Variants in SUPT3H observed in about 807,000 individuals in gnomAD.
The protein encoded by SUPT3H is SPT3 homolog, SAGA and STAGA complex component.
A neutral mutation model predicts 44.3 loss-of-function variants in SUPT3H; 44 were observed. The ratio of observed to expected loss-of-function variants is 0.99; its 90% confidence interval spans 0.78 to 1.28. SUPT3H has a LOEUF of 1.28. Among genes scored for constraint, SUPT3H ranks in the 50% most tolerant of loss-of-function variants. The pLI, the probability that SUPT3H is intolerant of heterozygous loss-of-function variation, is 0.00. For missense variants in SUPT3H, 380 were observed against 387.1 expected, an observed-to-expected ratio of 0.98 and a Z score of 0.15; for synonymous variants, 124 against 125.6, an observed-to-expected ratio of 0.99 and a Z score of 0.09.
intron 2 of SUPT3H, among the ~76,000 whole-genome samples, chr6:45,292,285 G>C (rs1289201255): frequency 6.6e-6 from 1 of 152,022 alleles, no homozygotes; most frequent in Non-Finnish European, 1.5e-5. Context: ...GCTGCTAAAA[G>C]GAGCTCTAAA....
chr6:44,869,329 T>A (rs1364333344), intron 10 of SUPT3H, among the ~76,000 whole-genome samples: 6 of 152,146 alleles, frequency 3.9e-5, no homozygotes, highest in Admixed American at 3.9e-4. Flanking sequence ...CCTTGGGAGT[T>A]CATTTCAAGG....
chr6:45,251,134 G>A (rs938560154), intron 2 of SUPT3H: 2 of 151,982 alleles, frequency 1.3e-5, no homozygotes, highest in East Asian at 1.9e-4. Context: ...GCAACAATAC[G>A]AGCTAGAAAA....
intron 2 of SUPT3H, among the ~76,000 whole-genome samples, chr6:45,272,589 T>C (rs911982660): frequency 6.6e-6 from 1 of 152,144 alleles, no homozygotes; most frequent in Non-Finnish European, 1.5e-5. Context: ...AAAGACAGTT[T>C]AAGATTAGTA....
intron 3 of SUPT3H, among the ~76,000 whole-genome samples, chr6:45,078,708 A>ATTTG (rs201261556): frequency 3.3e-5 from 5 of 151,768 alleles, no homozygotes; most frequent in Admixed American, 6.6e-5. Flanking sequence ...AGGTTTTTTT[A>ATTTG]TTTGTTTGTT....
intron 2 of SUPT3H, among the ~76,000 whole-genome samples, chr6:45,285,511 A>C (rs1779070999): frequency 6.6e-6 from 1 of 152,134 alleles, no homozygotes; most frequent in Non-Finnish European, 1.5e-5. Context: ...AAAGAGAATA[A>C]AATACCTAGG....
At chr6:45,239,700 T>G (rs1769924725) in intron 2 of SUPT3H, among the ~76,000 whole-genome samples, 1 of 152,224 alleles carries the variant, frequency 6.6e-6, no homozygotes, top group African/African-American at 2.4e-5. Context: ...CATTACAGCT[T>G]CTATTAAAAC....
chr6:45,266,158 G>A (rs1266123553), intron 2 of SUPT3H, among the ~76,000 whole-genome samples: 1 of 70,164 alleles, frequency 1.4e-5, no homozygotes, highest in Non-Finnish European at 2.4e-5. Context: ...AACGTAACCT[G>A]ACAATTTTTT....
intron 3 of SUPT3H, among the ~76,000 whole-genome samples, chr6:45,039,605 C>A (rs1460700513): frequency 6.6e-6 from 1 of 151,902 alleles, no homozygotes; most frequent in African/African-American, 2.4e-5. Context: ...CACGGTGAAA[C>A]CCTGTCTCTA....
At chr6:45,308,195 C>A (rs968230589) in intron 2 of SUPT3H, among the ~76,000 whole-genome samples, 8 of 150,990 alleles carry the variant, frequency 5.3e-5, no homozygotes, top group African/African-American at 7.4e-5. Context: ...TGCAGGAGAA[C>A]TTCCCCAATC....
intron 2 of SUPT3H, among the ~76,000 whole-genome samples, chr6:45,180,609 C>T (rs1812969346): frequency 6.6e-6 from 1 of 151,610 alleles, no homozygotes; most frequent in African/African-American, 2.4e-5. Context: ...GAAAAACAAG[C>T]AATGGGGAAA....
chr6:44,906,024 G>T (rs1178821529), intron 10 of SUPT3H, among the ~76,000 whole-genome samples: 1 of 152,056 alleles, frequency 6.6e-6, no homozygotes, highest in Non-Finnish European at 1.5e-5. Flanking sequence ...GGGGCCTGTT[G>T]TGCGGTGGGG....
At chr6:45,298,646 G>A (rs1344539212) in intron 2 of SUPT3H, among the ~76,000 whole-genome samples, 1 of 151,300 alleles carries the variant, frequency 6.6e-6, no homozygotes, top group Non-Finnish European at 1.5e-5. Context: ...ACAACACTTT[G>A]TAAAACATAC....
At chr6:44,928,323 T>G (rs1004159108) in intron 10 of SUPT3H, among the ~76,000 whole-genome samples, 5 of 152,148 alleles carry the variant, frequency 3.3e-5, no homozygotes, top group Non-Finnish European at 5.9e-5. Flanking sequence ...TGAAGTGATT[T>G]TTAGAACTAA....
At chr6:44,879,886 C>G (rs1458666396) in intron 10 of SUPT3H, among the ~76,000 whole-genome samples, 1 of 152,056 alleles carries the variant, frequency 6.6e-6, no homozygotes, top group African/African-American at 2.4e-5. Context: ...GCATCAACAT[C>G]AACAAAAAGG....
intron 6 of SUPT3H, among the ~76,000 whole-genome samples, chr6:44,971,514 T>C (rs1474962126): frequency 6.6e-6 from 1 of 152,080 alleles, no homozygotes; most frequent in Non-Finnish European, 1.5e-5. Context: ...AAAAGCCCCT[T>C]ATAAAAACAT....
intron 10 of SUPT3H, among the ~76,000 whole-genome samples, chr6:44,927,433 A>T (rs1401480061): frequency 6.6e-6 from 1 of 152,206 alleles, no homozygotes; most frequent in Non-Finnish European, 1.5e-5. Flanking sequence ...TAAGCCCAGT[A>T]ATTAAAAAAT....
intron 2 of SUPT3H, among the ~76,000 whole-genome samples, chr6:45,208,622 G>T (rs557887680): frequency 6.6e-6 from 1 of 151,944 alleles, no homozygotes; most frequent in African/African-American, 2.4e-5. Context: ...TGTTCAGGAC[G>T]CTGAGACAGG....
intron 10 of SUPT3H, among the ~76,000 whole-genome samples, chr6:44,911,657 G>A (rs952686137): frequency 1.3e-5 from 2 of 152,046 alleles, no homozygotes; most frequent in African/African-American, 2.4e-5. Flanking sequence ...CAATTCTAAT[G>A]TCTACTATCC....
intron 2 of SUPT3H, among the ~76,000 whole-genome samples, chr6:45,113,392 G>A (rs905063979): frequency 2.0e-5 from 3 of 152,098 alleles, no homozygotes; most frequent in African/African-American, 7.2e-5. Flanking sequence ...TAATGCAATT[G>A]GAAAGTTATA....
Sources: allele counts gnomAD v4.1 joint callset (sites outside exome capture counted in the v4.1 genomes callset), GRCh38; gene constraint gnomAD v4.1.1; transcripts MANE v1.5; gene names NCBI Gene and HGNC (gene_info 2026-07-23, HGNC 2026-07-21).